Variants in DCDC1 observed in about 807,000 individuals in gnomAD.
DCDC1 encodes doublecortin domain-containing protein 1.
Under a neutral mutation model 178.3 loss-of-function variants are expected in DCDC1, and 200 were observed. The ratio of observed to expected loss-of-function variants is 1.12; its 90% CI spans 1.00 to 1.26. The LOEUF (loss-of-function observed/expected upper bound fraction) is 1.26, where lower values mean the gene tolerates loss of function less well. Among genes scored for constraint, DCDC1 ranks in the 50% most tolerant of loss-of-function variants. The pLI is 0.00. For missense variants in DCDC1, 1,983 were observed against 1,749.2 expected (o/e 1.13, Z -2.38); for synonymous variants, 690 against 604.8 (o/e 1.14, Z -2.07).
chr11:30,917,160 C>A, intron 25 of DCDC1, 132 bp from the exon 26 acceptor site: 1 of 795,880 alleles, frequency 1.3e-6, no homozygotes. Flanking sequence ...CATAAGGGTG[C>A]CTAATACTGG....
At chr11:31,258,082 T>C (rs1944534160) in intron 8 of DCDC1, among the ~76,000 whole-genome samples, 1 of 152,116 alleles carries the variant, frequency 6.6e-6, no homozygotes, top group Middle Eastern at 3.2e-3. Flanking sequence ...GAAAGATTGG[T>C]ATAAAATATT....
intron 20 of DCDC1, among the ~76,000 whole-genome samples, chr11:30,973,507 A>C (rs2134710111): frequency 6.6e-6 from 1 of 152,270 alleles, no homozygotes; most frequent in South Asian, 2.1e-4. Context: ...GCTTACAAGA[A>C]ACTCACTTTA....
intron 9 of DCDC1, among the ~76,000 whole-genome samples, chr11:31,173,833 T>G (rs1967598232): frequency 6.6e-6 from 1 of 152,042 alleles, no homozygotes; most frequent in Non-Finnish European, 1.5e-5. Context: ...TTGGCCAGGT[T>G]TTCATCAAGT....
intron 6 of DCDC1, among the ~76,000 whole-genome samples, chr11:31,297,853 C>T (rs7112706): frequency 0.24 from 37,030 of 152,006 alleles, 4,580 homozygotes; most frequent in East Asian, 0.3. Flanking sequence ...ATCCCCACTT[C>T]GAGTTGCCCC....
Position 31,137,764 on chromosome 11 carries a change from T to C in DCDC1, c.1242A>G (p.Glu414=), listed in dbSNP as rs1428285371. 11 of 702,842 alleles carry C rather than the reference T, an allele frequency of 1.6e-5. 1 individual carries two copies. The highest frequency in any genetic ancestry group is 1.5e-4 in the South Asian group (10 of 67,564). The allele number at this position is 702,842 out of a possible 1,614,324, so 43.5% of individuals were successfully genotyped here. ...CTTTTTCTGTAATTTTCTCCTTCTG[T>C]TCATTCATGACCAGGTTCAACTAGA... ...YYKQLNLVMN[E]QKEKITEKVI... Residue 414 remains glutamate, a synonymous_variant, in exon 10 of 39, where the codon GAA becomes GAG. Transcript: ENST00000684477.
chr11:31,155,297 T>C (rs886319204), intron 9 of DCDC1, among the ~76,000 whole-genome samples: 4 of 152,312 alleles, frequency 2.6e-5, no homozygotes, highest in African/African-American at 9.6e-5. Context: ...CATCCATCAG[T>C]AGAGGAGAGA....
In DCDC1 at chr11:31,034,708, T is replaced by C. The variant is rs141880830; in HGVS notation, c.2591+29761A>G. ...AGGTTTGTGTAAGTACACTCTACAA[T>C]GTTTGCACAATGTCAGAATTGCCTA... is the stretch of plus-strand genomic sequence containing the variant. On this transcript the variant is annotated intron_variant, in intron 20 of 38. Coordinates refer to ENST00000684477, the MANE Select transcript of DCDC1 (RefSeq NM_001387274.1). Among the ~76,000 whole-genome samples the C allele has an allele frequency of 2.0e-5, 3 of 152,340 alleles. No individual in the cohort carries two copies. In the East Asian group the frequency reaches 5.8e-4, roughly 29 times the overall value.
chr11:31,365,858 A>G (rs538230926), intron 1 of DCDC1, among the ~76,000 whole-genome samples: 1 of 152,302 alleles, frequency 6.6e-6, no homozygotes, highest in Non-Finnish European at 1.5e-5. Context: ...AACCAAATGT[A>G]CAGTTCAACA....
rs11031278 is a variant in DCDC1, at chr11:31,069,754, C to G, written c.2299-4601G>C. On this transcript the variant is annotated intron_variant, in intron 18 of 38. Coordinates refer to ENST00000684477, the MANE Select transcript of DCDC1 (RefSeq NM_001387274.1). ...CTTCATCCTCTAATAGAAATAAAGA[C>G]ATTTTATGTAAGTTCATTTCTGAGG... Among the ~76,000 whole-genome samples, 1,220 of 152,206 alleles carry G rather than the reference C, an allele frequency of 8.0e-3. 16 individuals carry two copies. The highest frequency in any genetic ancestry group is 0.028 in the African/African-American group (1,163 of 41,518).
chr11:30,892,316 C>A (rs1271348729), intron 36 of DCDC1, among the ~76,000 whole-genome samples: 1 of 152,140 alleles, frequency 6.6e-6, no homozygotes, highest in South Asian at 2.1e-4. Context: ...ATATGATAGG[C>A]TTTCTCTAAT....
intron 20 of DCDC1, among the ~76,000 whole-genome samples, chr11:31,056,753 A>G (rs192036612): frequency 6.6e-5 from 10 of 152,310 alleles, no homozygotes; most frequent in Admixed American, 6.5e-4. Flanking sequence ...GTTTCAGTAA[A>G]TAACATAACA....
intron 25 of DCDC1, among the ~76,000 whole-genome samples, chr11:30,919,228 T>C (rs1044182085): frequency 1.8e-4 from 27 of 152,084 alleles, no homozygotes; most frequent in Non-Finnish European, 1.2e-4. Flanking sequence ...GTATAGGGCA[T>C]AGTACAGAGA....
intron 7 of DCDC1, among the ~76,000 whole-genome samples, chr11:31,268,897 T>G (rs572163690): frequency 6.6e-6 from 1 of 152,370 alleles, no homozygotes; most frequent in East Asian, 1.9e-4. Context: ...TTTGACTTTT[T>G]CATAATAGAC....
At chr11:31,087,287 T>A (rs1035290279) in intron 17 of DCDC1, among the ~76,000 whole-genome samples, 1 of 152,012 alleles carries the variant, frequency 6.6e-6, no homozygotes, top group Non-Finnish European at 1.5e-5. Context: ...ATTTATTAGT[T>A]TTTTTTAATC....
intron 6 of DCDC1, among the ~76,000 whole-genome samples, chr11:31,292,201 A>T (rs995680449): frequency 1.3e-5 from 2 of 152,168 alleles, no homozygotes; most frequent in African/African-American, 4.8e-5. Flanking sequence ...TCATTTTGTA[A>T]ACTGAAATTA....
At chr11:31,264,007 G>C (rs1591579557) in intron 8 of DCDC1, among the ~76,000 whole-genome samples, 1 of 152,150 alleles carries the variant, frequency 6.6e-6, no homozygotes, top group Non-Finnish European at 1.5e-5. Flanking sequence ...CAAAGACAAT[G>C]AAATTACTTT....
At chr11:31,309,865 C>G (rs1346995980) in intron 3 of DCDC1, among the ~76,000 whole-genome samples, 1 of 152,020 alleles carries the variant, frequency 6.6e-6, no homozygotes, top group East Asian at 1.9e-4. Context: ...GTTTTATAAC[C>G]ATTATTCATG....
chr11:31,299,756 G>A (rs1947959188), intron 6 of DCDC1, among the ~76,000 whole-genome samples: 1 of 152,134 alleles, frequency 6.6e-6, no homozygotes, highest in African/African-American at 2.4e-5. Context: ...AAATAAATAA[G>A]GGCAGGTAGA....
At chr11:30,961,898 G>A (rs1308389638) in intron 20 of DCDC1, among the ~76,000 whole-genome samples, 1 of 151,938 alleles carries the variant, frequency 6.6e-6, no homozygotes, top group Non-Finnish European at 1.5e-5. Flanking sequence ...TCTGGACAGG[G>A]AACAAATCAC....
Sources: allele counts gnomAD v4.1 joint callset (sites outside exome capture counted in the v4.1 genomes callset), GRCh38; gene constraint gnomAD v4.1.1; transcripts MANE v1.5; gene names NCBI Gene and HGNC (gene_info 2026-07-23, HGNC 2026-07-21).